ADGRV1: variants seen among roughly 807,000 people sequenced by gnomAD.
ADGRV1 encodes the protein adhesion G protein-coupled receptor V1.
A neutral mutation model predicts 596.2 loss-of-function variants in ADGRV1; 359 were observed. That is an observed-to-expected ratio of 0.60 (90% CI 0.55 to 0.66). The LOEUF is 0.66. ADGRV1 is among the 30% of genes least tolerant of loss of function. The pLI is 0.00. For missense variants in ADGRV1, 7,274 were observed against 7,575.6 expected, an observed-to-expected ratio of 0.96 and a Z score of 1.48; for synonymous variants, 2,681 against 2,679.2, an observed-to-expected ratio of 1.00 and a Z score of -0.02.
At chr5:90,681,529 T>C (rs1744930746) in intron 27 of ADGRV1, 75 bp downstream of exon 27, 2 of 1,391,872 alleles carry the variant, frequency 1.4e-6, no homozygotes, top group African/African-American at 1.4e-5. Context: ...TGAAAGTGTG[T>C]TTTATGCTTT....
intron 85 of ADGRV1, among the ~76,000 whole-genome samples, chr5:91,026,020 T>C (rs1434392190): frequency 6.6e-6 from 1 of 152,092 alleles, no homozygotes; most frequent in Non-Finnish European, 1.5e-5. Context: ...ACAGTGAAAT[T>C]GATAGTACTC....
intron 69 of ADGRV1, among the ~76,000 whole-genome samples, 167 bp downstream of exon 69, chr5:90,790,018 T>C (rs1033561433): frequency 6.6e-6 from 1 of 152,250 alleles, no homozygotes; most frequent in Non-Finnish European, 1.5e-5. Context: ...GGCTCTCTCA[T>C]CAGCATCAAC....
chr5:90,995,279 TC>T (rs1209899563), intron 85 of ADGRV1, among the ~76,000 whole-genome samples: 1 of 152,202 alleles, frequency 6.6e-6, no homozygotes, highest in Non-Finnish European at 1.5e-5. Context: ...TTGGCTGAAC[TC>T]TGAGATACGT....
chr5:90,706,315 T>G lies in ADGRV1; in HGVS notation c.8651T>G (p.Val2884Gly), dbSNP rs111033517. Residue 2884 changes from valine (V) to glycine (G), a missense_variant, in exon 38 of 90, where the codon GTT becomes GGT. Physicochemically the swap from Val to Gly is moderately radical, Grantham distance 109 (BLOSUM62 -3). Transcript: ENST00000405460. Reference sequence around the variant, plus strand: ...GTAGGAAACCTAGCAGAGCCAGAAGTTGATTTTGTCCCTATCATTGGCTTT... The same window carrying G: ...GTAGGAAACCTAGCAGAGCCAGAAGGTGATTTTGTCCCTATCATTGGCTTT... Reference protein sequence around the residue: ...QTVGNLAEPEVDFVPIIGFLI... With the variant: ...QTVGNLAEPEGDFVPIIGFLI... The G allele has an allele frequency of 1.2e-6, 2 of 1,613,450 alleles. No individual in the cohort carries two copies. Among genetic ancestry groups the G allele is most frequent in the African/African-American group, 1.3e-5 (1 of 75,002 alleles).
In ADGRV1 at chr5:90,848,530, T is replaced by A. The variant is rs73179340; in HGVS notation, c.17020-107T>A. ...TAAGTTTTCATAGGTTTATCCTTAC[T>A]AATGTTAATAACTATTAATAAGGAA... On this transcript the variant is annotated intron_variant, in intron 78 of 89. Transcript: ENST00000405460. The A allele has an allele frequency of 6.5e-3, 3,070 of 475,512 alleles. 88 individuals carry two copies. Among genetic ancestry groups the A allele is most frequent in the African/African-American group, 0.057 (2,843 of 49,740 alleles). The allele number at this position is 475,512 out of a possible 1,614,324, so 29.5% of individuals were successfully genotyped here.
rs1264306199 is a variant in ADGRV1, at chr5:90,692,610, C to T, written c.6957C>T (p.Ile2319=). 1.2e-6 allele frequency: 2 copies of T among 1,605,004 alleles called. No homozygotes were observed. The highest frequency in any genetic ancestry group is 1.3e-5 in the African/African-American group (1 of 74,608). The change falls in exon 32 of 90, where the codon ATC becomes ATT. Residue 2319 remains isoleucine (I), a synonymous_variant. Coordinates refer to ENST00000405460, the MANE Select transcript of ADGRV1 (RefSeq NM_032119.4). The part of the protein sequence containing the change: ...ADDVPEIEEV[I]QVQLTDASGG... Reference sequence around the variant, plus strand: ...AGTTTTCACTGTATTTTTAGGTTATCCAAGTGCAACTAACTGATGCCTCTG... The same window carrying T: ...AGTTTTCACTGTATTTTTAGGTTATTCAAGTGCAACTAACTGATGCCTCTG...
intron 85 of ADGRV1, among the ~76,000 whole-genome samples, chr5:91,014,870 T>A (rs1156477881): frequency 2.0e-5 from 3 of 152,038 alleles, no homozygotes; most frequent in Non-Finnish European, 4.4e-5. Flanking sequence ...TTTTTGTGTC[T>A]TGATATCTTT....
rs374165491 is a variant in ADGRV1 at position 90,756,981 on chromosome 5, C to T, written c.11760C>T (p.Gly3920=). 3.0e-5 allele frequency: 48 copies of T among 1,593,432 alleles called. No individual in the cohort carries two copies. Among genetic ancestry groups the T allele is most frequent in the Non-Finnish European group, 3.7e-5 (43 of 1,169,662 alleles). The change falls in exon 57 of 90, where the codon GGC becomes GGT. Residue 3920 remains glycine, a splice_region_variant and synonymous_variant. Coordinates refer to ENST00000405460, the MANE Select transcript of ADGRV1 (RefSeq NM_032119.4). ...TCAATTATATTCTTTACTTAAAGGG[C>T]GCTGGGGAAGTTATTACTGCCTATG... is the stretch of plus-strand genomic sequence containing the variant. ...RGIFMFHVTR[G]AGEVITAYEV...
At position 90,779,050 on chromosome 5, in the gene ADGRV1, C is replaced by G. The variant is rs761256512; in HGVS notation, c.13035C>G (p.Gly4345=). ...TCCTTGATGATGACTATCCTGAAGGCCCAGAGGAATTTTCTCTAACAATTA... is the reference window on the plus strand; with the variant it reads ...TCCTTGATGATGACTATCCTGAAGGGCCAGAGGAATTTTCTCTAACAATTA... ...VEILDDDYPE[G]PEEFSLTITK... Residue 4345 remains glycine (G), a synonymous_variant, in exon 64 of 90, where the codon GGC becomes GGG. Transcript: ENST00000405460. 6.2e-7 allele frequency: 1 copy of G among 1,612,736 alleles called. No homozygotes were observed. Among genetic ancestry groups the G allele is most frequent in the African/African-American group, 1.3e-5 (1 of 74,928 alleles).
At chr5:90,917,849 CCATCATCATCTT>C (rs1451802772) in intron 83 of ADGRV1, among the ~76,000 whole-genome samples, 2 of 151,958 alleles carry the variant, frequency 1.3e-5, no homozygotes, top group African/African-American at 4.8e-5. Flanking sequence ...GTCATTTGTA[CCATCATCATCTT>C]CATCATCATC....
At chr5:91,096,194 G>A (rs1790847211) in intron 86 of ADGRV1, among the ~76,000 whole-genome samples, 1 of 152,188 alleles carries the variant, frequency 6.6e-6, no homozygotes. Context: ...TTGGAAGGTT[G>A]TAAACATAGA....
chr5:90,819,330 C>T (rs1030071766), intron 75 of ADGRV1, among the ~76,000 whole-genome samples: 8 of 151,456 alleles, frequency 5.3e-5, no homozygotes, highest in African/African-American at 1.2e-4. Flanking sequence ...GTCTTGCTAG[C>T]GGTCTATCTA....
intron 84 of ADGRV1, among the ~76,000 whole-genome samples, chr5:90,979,532 G>T (rs1353628212): frequency 6.6e-6 from 1 of 152,044 alleles, no homozygotes; most frequent in Non-Finnish European, 1.5e-5. Flanking sequence ...AGGCAGTTTG[G>T]AGTATGTTGC....
At chr5:91,013,304 G>A (rs767385124) in intron 85 of ADGRV1, among the ~76,000 whole-genome samples, 1 of 152,068 alleles carries the variant, frequency 6.6e-6, no homozygotes, top group Non-Finnish European at 1.5e-5. Context: ...TTCCACAATG[G>A]TTGGACTAAT....
At chr5:91,134,973 G>A (rs949944861) in intron 87 of ADGRV1, among the ~76,000 whole-genome samples, 1 of 151,964 alleles carries the variant, frequency 6.6e-6, no homozygotes, top group African/African-American at 2.4e-5. Context: ...CTTGAGGTCA[G>A]GAGTTTGAGA....
At chr5:90,945,352 T>TCCCA (rs1776484448) in intron 83 of ADGRV1, among the ~76,000 whole-genome samples, 1 of 152,106 alleles carries the variant, frequency 6.6e-6, no homozygotes. Flanking sequence ...ACCACTTATT[T>TCCCA]CCCACCTTCC....
At chr5:90,889,075 C>T (rs1421364126) in intron 83 of ADGRV1, among the ~76,000 whole-genome samples, 1 of 152,038 alleles carries the variant, frequency 6.6e-6, no homozygotes, top group African/African-American at 2.4e-5. Flanking sequence ...ACTGGAGTGC[C>T]AACAAGTTTT....
At chr5:91,069,382 A>T (rs1056036577) in intron 85 of ADGRV1, among the ~76,000 whole-genome samples, 2 of 152,252 alleles carry the variant, frequency 1.3e-5, no homozygotes, top group African/African-American at 4.8e-5. Flanking sequence ...TAATATCCAG[A>T]ATGTATGAGG....
chr5:90,994,611 G>T (rs1047296496), intron 85 of ADGRV1, among the ~76,000 whole-genome samples: 1 of 151,722 alleles, frequency 6.6e-6, no homozygotes, highest in African/African-American at 2.4e-5. Context: ...ATATCTTCTT[G>T]GTTTTTTGCA....
Sources: gnomAD v4.1 joint callset for allele counts (sites outside exome capture counted in the v4.1 genomes callset) on GRCh38, gnomAD v4.1.1 for gene constraint, MANE v1.5 for transcripts, NCBI Gene and HGNC (gene_info 2026-07-23, HGNC 2026-07-21) for gene names.